RPS6KA3: variants seen among roughly 807,000 people sequenced by gnomAD.
RPS6KA3 encodes ribosomal protein S6 kinase A3, also known as ribosomal protein S6 kinase alpha-3.
In RPS6KA3, 4 loss-of-function variants were observed where a neutral mutation model predicts 67.2. The observed-to-expected ratio is 0.06, with a 90% confidence interval of 0.03 to 0.14. The LOEUF is 0.14. RPS6KA3 is among the 10% of genes least tolerant of loss of function. The probability of loss-of-function intolerance (pLI) is 1.00; values close to 1 mark genes in which losing one functional copy is unlikely to be tolerated. For synonymous variants in RPS6KA3, 182 were observed against 183.7 expected, an observed-to-expected ratio of 0.99 and a Z score of 0.07; for missense variants, 204 against 559.0, an observed-to-expected ratio of 0.36 and a Z score of 6.40.
At chrX:20,244,043 A>G (rs1251515224) in intron 1 of RPS6KA3, among the ~76,000 whole-genome samples, 2 of 112,209 alleles carry the variant, frequency 1.8e-5, no homozygotes, top group African/African-American at 6.5e-5. Flanking sequence ...GGATGGGAAA[A>G]TTTTAGTGCA....
chrX:20,266,244 G>T, intron 1 of RPS6KA3: 1 of 189,013 alleles, frequency 5.3e-6, no homozygotes, highest in South Asian at 9.0e-5. Flanking sequence ...ACTCCCCGCC[G>T]GCCCCCGCTC....
At chrX:20,188,105 GCT>G (rs2068031759) in intron 8 of RPS6KA3, 135 bp from the exon 9 acceptor site, 1 of 580,845 alleles carries the variant, frequency 1.7e-6, no homozygotes, top group African/African-American at 2.3e-5. Flanking sequence ...ACAGAGTCTC[GCT>G]CTGTCACCCA....
At chrX:20,204,947 CAAACA>C (rs1329290487) in intron 3 of RPS6KA3, among the ~76,000 whole-genome samples, 4 of 111,494 alleles carry the variant, frequency 3.6e-5, no homozygotes, top group Non-Finnish European at 7.5e-5. Context: ...AACAAACAAA[CAAACA>C]AAACTTACAC....
chrX:20,233,922 T>G (rs1309201299), intron 2 of RPS6KA3, among the ~76,000 whole-genome samples: 7 of 112,475 alleles, frequency 6.2e-5, no homozygotes, highest in Non-Finnish European at 1.3e-4. Context: ...GACTATAACT[T>G]AGCTGCTGAC....
intron 1 of RPS6KA3, among the ~76,000 whole-genome samples, chrX:20,254,692 A>G (rs1211118147): frequency 1.8e-5 from 2 of 112,560 alleles, no homozygotes; most frequent in Non-Finnish European, 3.8e-5. Flanking sequence ...GTAACAAAAT[A>G]AGCACGTGAA....
chrX:20,232,313 G>A (rs766065042), intron 2 of RPS6KA3, among the ~76,000 whole-genome samples: 3 of 112,494 alleles, frequency 2.7e-5, no homozygotes, highest in Non-Finnish European at 3.8e-5. Flanking sequence ...AGTGGCTCTC[G>A]CCTGTAATCC....
At chrX:20,216,728 C>CA (rs1256621184) in intron 2 of RPS6KA3, among the ~76,000 whole-genome samples, 1 of 110,868 alleles carries the variant, frequency 9.0e-6, no homozygotes, top group African/African-American at 3.3e-5. Context: ...ACAAAGGCCA[C>CA]AGCAGGAGCA....
In RPS6KA3 at chrX:20,156,220, G is replaced by A. The variant is rs139718656; in HGVS notation, c.1989C>T (p.Asp663=). 9.4e-4 allele frequency: 1,130 copies of A among 1,208,438 alleles called. 6 individuals carry two copies. In the African/African-American group the frequency reaches 0.017, roughly 19 times the overall value. Reference sequence around the variant, plus strand: ...GAGCAGCAGTCAGTCTCTGATGAGGGTCTACATGAAGCATCTTTGACACCA... The same window carrying A: ...GAGCAGCAGTCAGTCTCTGATGAGGATCTACATGAAGCATCTTTGACACCA... ...KDLVSKMLHV[D]PHQRLTAALV... Residue 663 remains aspartate, a synonymous_variant, in exon 21 of 22, where the codon GAC becomes GAT. Transcript: ENST00000379565.
chrX:20,233,799 A>G (rs2069336722), intron 2 of RPS6KA3, among the ~76,000 whole-genome samples: 1 of 111,932 alleles, frequency 8.9e-6, no homozygotes, highest in Non-Finnish European at 1.9e-5. Flanking sequence ...AGGTAGTTCT[A>G]TATGTACTGT....
chrX:20,211,425 T>C (rs1256849553), intron 2 of RPS6KA3, among the ~76,000 whole-genome samples: 3 of 110,666 alleles, frequency 2.7e-5, no homozygotes, highest in African/African-American at 9.9e-5. Context: ...TACACCACAC[T>C]GAGATCAATG....
At chrX:20,180,006 T>C (rs1006566313) in intron 10 of RPS6KA3, among the ~76,000 whole-genome samples, 1 of 111,015 alleles carries the variant, frequency 9.0e-6, no homozygotes, top group Non-Finnish European at 1.9e-5. Flanking sequence ...GGAGGATCGT[T>C]TGAGCCCAGG....
At chrX:20,194,487 C>T (rs1339760739) in intron 5 of RPS6KA3, among the ~76,000 whole-genome samples, 3 of 111,281 alleles carry the variant, frequency 2.7e-5, no homozygotes, top group Admixed American at 9.6e-5. Context: ...AGGCAAGTCA[C>T]TCAGGAATAC....
At chrX:20,233,242 A>G (rs1283075459) in intron 2 of RPS6KA3, among the ~76,000 whole-genome samples, 1 of 112,313 alleles carries the variant, frequency 8.9e-6, no homozygotes, top group Non-Finnish European at 1.9e-5. Flanking sequence ...GGCAATACTC[A>G]AACAAGTATT....
At chrX:20,163,762 G>A (rs2067364460) in intron 18 of RPS6KA3, among the ~76,000 whole-genome samples, 1 of 111,009 alleles carries the variant, frequency 9.0e-6, no homozygotes. Context: ...TCCGCCTCCC[G>A]GGTTCAAGCA....
At chrX:20,199,121 C>T (rs753369047) in intron 4 of RPS6KA3, among the ~76,000 whole-genome samples, 10 of 111,987 alleles carry the variant, frequency 8.9e-5, no homozygotes, top group East Asian at 5.6e-4. Flanking sequence ...CCACCCGCCT[C>T]GGCCTCCCAA....
In RPS6KA3 at chrX:20,219,037, C is replaced by T. The variant is rs2068926941; in HGVS notation, c.127-9633G>A. Reference sequence around the variant, plus strand: ...GTAAAAGAAAGAAGAAACCTGCCGGCAGGGGCACTAATGTAGCTGGATAGG... The same window carrying T: ...GTAAAAGAAAGAAGAAACCTGCCGGTAGGGGCACTAATGTAGCTGGATAGG... On this transcript the variant is annotated intron_variant, in intron 2 of 21. Transcript: ENST00000379565. The T allele has an allele frequency of 2.3e-5, 9 of 392,006 alleles. No individual in the cohort carries two copies. In the South Asian group the frequency reaches 4.0e-4, roughly 18 times the overall value. 32.3% of individuals were successfully genotyped at this position (392,006 alleles called of 1,213,427 possible). A position where few individuals can be genotyped will look rare whatever the true frequency, so the allele number is the denominator to read the frequency against.
chrX:20,245,369 G>A (rs1396129413), intron 1 of RPS6KA3, among the ~76,000 whole-genome samples: 4 of 111,904 alleles, frequency 3.6e-5, no homozygotes. Flanking sequence ...TTCCACTTCT[G>A]CATTTAGAAT....
chrX:20,259,364 C>G (rs1035528306), intron 1 of RPS6KA3, among the ~76,000 whole-genome samples: 3 of 111,221 alleles, frequency 2.7e-5, no homozygotes, highest in Non-Finnish European at 5.7e-5. Flanking sequence ...GGGCAATTAG[C>G]TTGATATTAA....
intron 1 of RPS6KA3, among the ~76,000 whole-genome samples, chrX:20,258,872 G>A (rs1384338928): frequency 8.9e-6 from 1 of 111,834 alleles, no homozygotes; most frequent in African/African-American, 3.2e-5. Flanking sequence ...CTCACAATGT[G>A]GAGATGTGAC....
Sources: gnomAD v4.1 joint callset for allele counts (sites outside exome capture counted in the v4.1 genomes callset) on GRCh38, gnomAD v4.1.1 for gene constraint, MANE v1.5 for transcripts, NCBI Gene and HGNC (gene_info 2026-07-23, HGNC 2026-07-21) for gene names.